Variants in PLS1 observed in about 807,000 individuals in gnomAD.
PLS1 encodes the protein plastin-1.
Under a neutral mutation model 73.7 loss-of-function variants are expected in PLS1, and 32 were observed. The ratio of observed to expected loss-of-function variants is 0.43; its 90% CI spans 0.33 to 0.58. The LOEUF (loss-of-function observed/expected upper bound fraction) is 0.58. Ranked by LOEUF, PLS1 falls within the 20% of genes least tolerant of loss-of-function variation. The pLI, the probability that PLS1 is intolerant of heterozygous loss-of-function variation, is 0.04. For missense variants in PLS1, 633 were observed against 740.5 expected (o/e 0.85, Z 1.68); for synonymous variants, 217 against 261.3 (o/e 0.83, Z 1.63).
chr3:142,705,009 ATGT>A (rs2038429826), intron 14 of PLS1, among the ~76,000 whole-genome samples: 1 of 151,966 alleles, frequency 6.6e-6, no homozygotes, highest in African/African-American at 2.4e-5. Context: ...AAATATATTA[ATGT>A]TGTATGTCAG....
chr3:142,658,354 T>C (rs1353791334), intron 1 of PLS1, among the ~76,000 whole-genome samples: 1 of 151,938 alleles, frequency 6.6e-6, no homozygotes, highest in Non-Finnish European at 1.5e-5. Flanking sequence ...TGGGTGCCTG[T>C]AGTCCCAGCT....
At chr3:142,635,656 T>C (rs2036669498) in intron 1 of PLS1, among the ~76,000 whole-genome samples, 1 of 152,122 alleles carries the variant, frequency 6.6e-6, no homozygotes. Context: ...CTCTCAGTAT[T>C]GTTCAGACAT....
At chr3:142,695,141 C>T (rs547205489) in intron 11 of PLS1, among the ~76,000 whole-genome samples, 1 of 152,210 alleles carries the variant, frequency 6.6e-6, no homozygotes, top group Admixed American at 6.5e-5. Flanking sequence ...TACAATCTAC[C>T]AGCCTGCCTT....
intron 1 of PLS1, among the ~76,000 whole-genome samples, chr3:142,604,921 G>A (rs2035992221): frequency 1.4e-5 from 2 of 144,624 alleles, no homozygotes; most frequent in East Asian, 2.0e-4. Context: ...GGGCAGCAGA[G>A]CAAGACTCCG....
intron 1 of PLS1, among the ~76,000 whole-genome samples, chr3:142,626,320 G>A (rs2036427420): frequency 6.6e-6 from 1 of 152,168 alleles, no homozygotes; most frequent in South Asian, 2.1e-4. Flanking sequence ...GGAGGGGCAG[G>A]AGTCTAGAGC....
At chr3:142,661,380 C>T (rs2037366285) in intron 1 of PLS1, among the ~76,000 whole-genome samples, 2 of 152,126 alleles carry the variant, frequency 1.3e-5, no homozygotes, top group African/African-American at 4.8e-5. Context: ...AAATAGCGGA[C>T]AATAGTATAT....
chr3:142,696,962 C>A (rs1259941443), intron 11 of PLS1, among the ~76,000 whole-genome samples: 1 of 151,874 alleles, frequency 6.6e-6, no homozygotes, highest in Non-Finnish European at 1.5e-5. Flanking sequence ...GGGCCCAGCT[C>A]CCTTCACTGC....
intron 1 of PLS1, among the ~76,000 whole-genome samples, chr3:142,640,085 C>T (rs1184284731): frequency 6.6e-6 from 1 of 152,168 alleles, no homozygotes; most frequent in Non-Finnish European, 1.5e-5. Flanking sequence ...AGTGTGATTA[C>T]ATACATGGCA....
At chr3:142,709,612 C>T (rs1057025826) in intron 14 of PLS1, among the ~76,000 whole-genome samples, 1 of 152,122 alleles carries the variant, frequency 6.6e-6, no homozygotes, top group Admixed American at 6.5e-5. Context: ...GTCAGGAGAT[C>T]ACAACCATCC....
intron 4 of PLS1, among the ~76,000 whole-genome samples, chr3:142,674,546 G>T (rs1192824601): frequency 1.3e-5 from 2 of 152,060 alleles, no homozygotes; most frequent in South Asian, 4.1e-4. Context: ...TATATCTACA[G>T]AATAATAATA....
At chr3:142,681,534 T>C (rs998174170) in intron 6 of PLS1, among the ~76,000 whole-genome samples, 1 of 152,252 alleles carries the variant, frequency 6.6e-6, no homozygotes, top group Non-Finnish European at 1.5e-5. Flanking sequence ...TGAGGGAACC[T>C]GTTAGACAGT....
At chr3:142,685,281 C>T (rs2037940760) in intron 8 of PLS1, among the ~76,000 whole-genome samples, 1 of 152,130 alleles carries the variant, frequency 6.6e-6, no homozygotes, top group African/African-American at 2.4e-5. Flanking sequence ...GGCATTATGC[C>T]CAGGCGATGC....
At chr3:142,647,331 A>G (rs963602886) in intron 1 of PLS1, among the ~76,000 whole-genome samples, 1 of 152,142 alleles carries the variant, frequency 6.6e-6, no homozygotes, top group African/African-American at 2.4e-5. Flanking sequence ...TATTTCTTCT[A>G]TACTTAAAAA....
intron 1 of PLS1, among the ~76,000 whole-genome samples, chr3:142,662,284 A>G (rs1000844170): frequency 2.6e-5 from 4 of 152,172 alleles, no homozygotes; most frequent in Non-Finnish European, 4.4e-5. Flanking sequence ...GAAGCTGGAA[A>G]CCATCATTCT....
intron 1 of PLS1, among the ~76,000 whole-genome samples, chr3:142,659,707 G>GT (rs2037324540): frequency 7.5e-6 from 1 of 132,764 alleles, no homozygotes; most frequent in South Asian, 2.4e-4. Flanking sequence ...GTTTTGTTTT[G>GT]TTTTTTGAGA....
At chr3:142,664,917 T>A (rs2037446277) in intron 2 of PLS1, among the ~76,000 whole-genome samples, 1 of 152,326 alleles carries the variant, frequency 6.6e-6, no homozygotes, top group South Asian at 2.1e-4. Flanking sequence ...TGGATCTCAA[T>A]TCTTCTGCAA....
At chr3:142,643,522 C>T (rs1275125017) in intron 1 of PLS1, among the ~76,000 whole-genome samples, 1 of 152,118 alleles carries the variant, frequency 6.6e-6, no homozygotes, top group Non-Finnish European at 1.5e-5. Flanking sequence ...CAGAAATGTA[C>T]CTCCTGAAGT....
intron 14 of PLS1, among the ~76,000 whole-genome samples, chr3:142,707,457 A>C (rs2038486521): frequency 6.6e-6 from 1 of 152,352 alleles, no homozygotes; most frequent in East Asian, 1.9e-4. Flanking sequence ...AGCACTTTAC[A>C]CATTGTTTAA....
At chr3:142,669,620 A>G (rs2037562621) in intron 3 of PLS1, 67 bp downstream of exon 3, 1 of 1,087,016 alleles carries the variant, frequency 9.2e-7, no homozygotes, top group Non-Finnish European at 1.3e-6. Flanking sequence ...TAATGTCATC[A>G]CTAGCTTTGG....
Sources: allele counts gnomAD v4.1 joint callset (sites outside exome capture counted in the v4.1 genomes callset), GRCh38; gene constraint gnomAD v4.1.1; transcripts MANE v1.5; gene names NCBI Gene and HGNC (gene_info 2026-07-23, HGNC 2026-07-21).